MYCBP2: variants seen among roughly 807,000 people sequenced by gnomAD.
The protein encoded by MYCBP2 is MYC binding protein 2, also known as E3 ubiquitin-protein ligase MYCBP2.
Under a neutral mutation model 525.3 loss-of-function variants are expected in MYCBP2, and 120 were observed. That is an observed-to-expected ratio of 0.23 (90% CI 0.20 to 0.27). The LOEUF is 0.27. Ranked by LOEUF, MYCBP2 falls within the 10% of genes least tolerant of loss-of-function variation. The probability of loss-of-function intolerance (pLI) is 1.00; values close to 1 mark genes in which losing one functional copy is unlikely to be tolerated. For synonymous variants in MYCBP2, 1,894 were observed against 1,955.8 expected (o/e 0.97, Z 0.83); for missense variants, 4,149 against 5,657.1 (o/e 0.73, Z 8.55).
At position 77,067,456 on chromosome 13, in the gene MYCBP2, C is replaced by T. The variant is rs181488425; in HGVS notation, c.12455+125G>A. The T allele has an allele frequency of 7.3e-6, 7 of 952,726 alleles. No individual in the cohort carries two copies. In the East Asian group the frequency reaches 1.7e-4, roughly 23 times the overall value. 59.0% of individuals were successfully genotyped at this position (952,726 alleles called of 1,614,324 possible). A position where few individuals can be genotyped will look rare whatever the true frequency, so the allele number is the denominator to read the frequency against. On this transcript the variant is annotated intron_variant, in intron 71 of 82. Coordinates refer to ENST00000544440, the MANE Select transcript of MYCBP2 (RefSeq NM_015057.5). The stretch of plus-strand genomic sequence containing the variant: ...TATACATGACCTTTTTAGATATTAG[C>T]CAGTTGTTTATGGATTTTATTTGGT...
intron 1 of MYCBP2, among the ~76,000 whole-genome samples, chr13:77,322,318 C>T (rs1314638017): frequency 6.6e-6 from 1 of 152,024 alleles, no homozygotes; most frequent in Non-Finnish European, 1.5e-5. Context: ...GGTCACAATC[C>T]CCTCTATTGT....
chr13:77,191,348 ACTT>A (rs1260671052), intron 28 of MYCBP2, among the ~76,000 whole-genome samples: 2 of 152,164 alleles, frequency 1.3e-5, no homozygotes, highest in African/African-American at 4.8e-5. Context: ...TCACATATCT[ACTT>A]CTTTTTTATG....
chr13:77,270,092 AGTG>A, intron 6 of MYCBP2, 29 bp from the exon 7 acceptor site: 1 of 1,562,648 alleles, frequency 6.4e-7, no homozygotes, highest in Non-Finnish European at 8.7e-7. Context: ...TTAGTATATC[AGTG>A]GTTTCATAAT....
chr13:77,150,159 T>TA, intron 47 of MYCBP2, among the ~76,000 whole-genome samples: 1 of 152,264 alleles, frequency 6.6e-6, no homozygotes, highest in East Asian at 1.9e-4. Flanking sequence ...ATTAGAGAGC[T>TA]AAAAATCCCA....
intron 17 of MYCBP2, among the ~76,000 whole-genome samples, chr13:77,235,024 G>A (rs890440706): frequency 1.1e-4 from 17 of 151,948 alleles, no homozygotes; most frequent in African/African-American, 2.9e-4. Flanking sequence ...AATTGGGCTC[G>A]AAAATACTAT....
At chr13:77,309,291 T>C (rs968878999) in intron 1 of MYCBP2, among the ~76,000 whole-genome samples, 11 of 152,358 alleles carry the variant, frequency 7.2e-5, no homozygotes, top group Admixed American at 5.9e-4. Context: ...TCGGTTTCAC[T>C]GGCCTAAGGG....
chr13:77,259,975 C>T (rs1463842952), intron 13 of MYCBP2, among the ~76,000 whole-genome samples: 1 of 152,200 alleles, frequency 6.6e-6, no homozygotes, highest in East Asian at 1.9e-4. Context: ...ATTCTTGAGA[C>T]CCTACAATGT....
At chr13:77,181,600 G>T in intron 33 of MYCBP2, 101 bp downstream of exon 33, 2 of 750,010 alleles carry the variant, frequency 2.7e-6, no homozygotes, top group Non-Finnish European at 2.2e-6. Flanking sequence ...CGCTTAGCTT[G>T]GTGTGTTTAT....
rs1594699318 is a variant in MYCBP2, at chr13:77,289,988, G to A, written c.379-1612C>T. On this transcript the variant is annotated intron_variant, in intron 2 of 82. Coordinates refer to ENST00000544440, the MANE Select transcript of MYCBP2 (RefSeq NM_015057.5). ...AAACCACATATCCAACAAAGGATGA[G>A]TATTCAGAATATATAAAGAATTCTC... Among the ~76,000 whole-genome samples, 4 of 152,184 alleles carry A rather than the reference G, an allele frequency of 2.6e-5. No homozygotes were observed. In the South Asian group the frequency reaches 8.3e-4, roughly 32 times the overall value.
chr13:77,177,374 C>T (rs903318030), intron 35 of MYCBP2, among the ~76,000 whole-genome samples: 1 of 142,618 alleles, frequency 7.0e-6, no homozygotes, highest in African/African-American at 2.6e-5. Context: ...TCGGGTCTCA[C>T]TCTGCTGCCC....
At chr13:77,292,957 T>TGAA (rs1567178451) in intron 2 of MYCBP2, among the ~76,000 whole-genome samples, 1 of 58,642 alleles carries the variant, frequency 1.7e-5, no homozygotes, top group African/African-American at 6.8e-5. Flanking sequence ...AGACTCCGTC[T>TGAA]CAAAAAAAAA....
At chr13:77,047,536 T>G (rs1378794683) in intron 82 of MYCBP2, among the ~76,000 whole-genome samples, 1 of 151,918 alleles carries the variant, frequency 6.6e-6, no homozygotes, top group African/African-American at 2.4e-5. Context: ...AAGGGAAGGG[T>G]CCCCAGAGAG....
intron 61 of MYCBP2, chr13:77,087,839 G>T: frequency 2.2e-6 from 1 of 450,580 alleles, no homozygotes; most frequent in Non-Finnish European, 3.9e-6. Flanking sequence ...GGAGTACAGT[G>T]GTGTGATCAT....
chr13:77,249,785 G>T (rs1015117847), intron 15 of MYCBP2, among the ~76,000 whole-genome samples: 5 of 152,010 alleles, frequency 3.3e-5, no homozygotes, highest in Admixed American at 3.3e-4. Flanking sequence ...GAGTCTTTCT[G>T]CATCCAAATT....
chr13:77,246,659 G>A (rs1406666978), intron 15 of MYCBP2, among the ~76,000 whole-genome samples: 1 of 148,746 alleles, frequency 6.7e-6, no homozygotes, highest in Admixed American at 6.7e-5. Flanking sequence ...GGAGGGAGAG[G>A]GGCAGGGGGA....
chr13:77,164,335 T>G (rs1257974914), intron 43 of MYCBP2, 119 bp downstream of exon 43: 2 of 656,340 alleles, frequency 3.0e-6, no homozygotes, highest in South Asian at 1.9e-5. Context: ...AAGCAGTTAT[T>G]GCTCATGAAT....
At position 77,326,403 on chromosome 13, in the gene MYCBP2, G is replaced by T; in HGVS notation, c.302+71C>A. ...CACACACGCAAGCACACACACACGCGGGTGCACGCGCGGCATGGGGCGCAA... is the reference window on the plus strand; with the variant it reads ...CACACACGCAAGCACACACACACGCTGGTGCACGCGCGGCATGGGGCGCAA... On this transcript the variant is annotated intron_variant, in intron 1 of 82. Coordinates refer to ENST00000544440, the MANE Select transcript of MYCBP2 (RefSeq NM_015057.5). The surrounding 1 kb of genome is among the most constrained non-coding windows in gnomAD (Gnocchi z 4.2). 7.0e-7 allele frequency: 1 copy of T among 1,420,884 alleles called. No individual in the cohort carries two copies. The highest frequency in any genetic ancestry group is 9.3e-7 in the Non-Finnish European group (1 of 1,070,848). 88.0% of individuals were successfully genotyped at this position (1,420,884 alleles called of 1,614,324 possible).
intron 46 of MYCBP2, 113 bp downstream of exon 46, chr13:77,155,945 T>C: frequency 1.0e-6 from 1 of 993,514 alleles, no homozygotes; most frequent in South Asian, 2.4e-5. Context: ...AGCATCACCC[T>C]TTATATAAAG....
At chr13:77,260,626 C>T in intron 12 of MYCBP2, 34 bp from the exon 13 acceptor site, 6 of 1,492,428 alleles carry the variant, frequency 4.0e-6, no homozygotes, top group Non-Finnish European at 5.4e-6. Flanking sequence ...ATCAAGACCT[C>T]TATGTACAAA....
Sources: allele counts gnomAD v4.1 joint callset (sites outside exome capture counted in the v4.1 genomes callset), GRCh38; gene constraint gnomAD v4.1.1; non-coding constraint Gnocchi (gnomAD v3.1); transcripts MANE v1.5; gene names NCBI Gene and HGNC (gene_info 2026-07-23, HGNC 2026-07-21).